The following SYNPO2 variants were observed in gnomAD, a reference collection of about 807,000 sequenced individuals.
SYNPO2 encodes synaptopodin 2.
A neutral mutation model predicts 85.0 loss-of-function variants in SYNPO2; 56 were observed. The observed-to-expected ratio is 0.66, with a 90% confidence interval of 0.53 to 0.82. SYNPO2 has a LOEUF of 0.82. SYNPO2 is among the 40% of genes least tolerant of loss of function. The pLI is 0.00. For missense variants in SYNPO2, 1,575 were observed against 1,534.2 expected, an observed-to-expected ratio of 1.03 and a Z score of -0.44; for synonymous variants, 602 against 591.1, an observed-to-expected ratio of 1.02 and a Z score of -0.27.
At chr4:118,977,084 G>A (rs1021200545) in intron 1 of SYNPO2, among the ~76,000 whole-genome samples, 7 of 152,246 alleles carry the variant, frequency 4.6e-5, no homozygotes, top group African/African-American at 1.4e-4. Flanking sequence ...ATGGGACTGG[G>A]CGCCGTGGAG....
At chr4:118,927,749 TGATA>T (rs1207276516) in intron 1 of SYNPO2, among the ~76,000 whole-genome samples, 3 of 117,346 alleles carry the variant, frequency 2.6e-5, no homozygotes, top group African/African-American at 6.6e-5. Flanking sequence ...GATAGATAGA[TGATA>T]GATAGATATA....
intron 1 of SYNPO2, among the ~76,000 whole-genome samples, chr4:118,973,662 C>A (rs1735620349): frequency 1.3e-5 from 2 of 152,078 alleles, no homozygotes; most frequent in Non-Finnish European, 2.9e-5. Context: ...TGGGCAAATG[C>A]CAGTTCATAG....
At chr4:119,038,987 AG>A (rs926454234) in intron 4 of SYNPO2, among the ~76,000 whole-genome samples, 4 of 152,090 alleles carry the variant, frequency 2.6e-5, no homozygotes, top group African/African-American at 9.7e-5. Context: ...GGTTTGGAAC[AG>A]TCCCATCACC....
intron 1 of SYNPO2, among the ~76,000 whole-genome samples, chr4:118,900,062 T>G (rs1732671302): frequency 6.6e-6 from 1 of 152,178 alleles, no homozygotes; most frequent in Non-Finnish European, 1.5e-5. Flanking sequence ...GCACCCGGCC[T>G]GCTGTACTTT....
At chr4:118,882,014 T>C (rs1369601035) in intron 1 of SYNPO2, among the ~76,000 whole-genome samples, 3 of 152,366 alleles carry the variant, frequency 2.0e-5, no homozygotes, top group Non-Finnish European at 2.9e-5. Flanking sequence ...CTGGCACTTA[T>C]GATAAAGTTC....
chr4:118,950,274 G>A (rs1189096059), intron 1 of SYNPO2, among the ~76,000 whole-genome samples: 1 of 152,160 alleles, frequency 6.6e-6, no homozygotes, highest in African/African-American at 2.4e-5. Flanking sequence ...ATGTATCTGG[G>A]ATTTTATTTT....
chr4:118,916,175 G>T lies in SYNPO2; in HGVS notation c.105+27034G>T, dbSNP rs72909250. Among the ~76,000 whole-genome samples the T allele has an allele frequency of 3.9e-3, 552 of 141,998 alleles. 3 individuals carry two copies. The highest frequency in any genetic ancestry group is 0.012 in the African/African-American group (460 of 39,194). The allele number at this position is 141,998 out of a possible 152,430, so 93.2% of individuals were successfully genotyped here. On this transcript the variant is annotated intron_variant, in intron 1 of 4. Transcript: ENST00000307142. ...ATATGTCAAACTTAGGGTTTTTTGG[G>T]TTTTTTTTTTTTTCTGAGACAGAAT...
chr4:118,895,794 T>A (rs551310338), intron 1 of SYNPO2, among the ~76,000 whole-genome samples: 2 of 152,328 alleles, frequency 1.3e-5, no homozygotes, highest in East Asian at 3.9e-4. Flanking sequence ...AACTGGATAT[T>A]TTGCATATTT....
intron 1 of SYNPO2, among the ~76,000 whole-genome samples, chr4:118,995,571 G>A (rs893070092): frequency 2.6e-5 from 4 of 152,192 alleles, no homozygotes; most frequent in African/African-American, 9.7e-5. Flanking sequence ...AACTCAGGTT[G>A]TCTGATTCCA....
chr4:118,856,755 GC>G (rs1357148933), intron 1 of SYNPO2, among the ~76,000 whole-genome samples: 3 of 152,026 alleles, frequency 2.0e-5, no homozygotes, highest in Non-Finnish European at 4.4e-5. Context: ...CAAGCGATCT[GC>G]TTGCCTTGGT....
rs765983229 is a variant in SYNPO2 at position 119,030,307 on chromosome 4, A to T, written c.1532A>T (p.Glu511Val). 7 of 1,614,096 alleles carry T rather than the reference A, an allele frequency of 4.3e-6. No homozygotes were observed. Among genetic ancestry groups the T allele is most frequent in the Non-Finnish European group, 5.9e-6 (7 of 1,180,012 alleles). ...RMDQITAQKE[E>V]DKVGGTPSRE... ...GATCAGATCACAGCCCAAAAAGAAG[A>T]GGACAAGGTAGGTGGAACGCCAAGC... Residue 511 changes from glutamate (E) to valine (V), a missense_variant, in exon 4 of 5, where the codon GAG becomes GTG. Glu to Val is a moderately radical substitution (Grantham distance 121, BLOSUM62 -2). This residue lies in a region of SYNPO2 where 1,508 missense variants were observed against 1,446.8 expected (regional missense o/e 1.04). Coordinates refer to ENST00000307142, the MANE Select transcript of SYNPO2 (RefSeq NM_133477.3).
At chr4:118,903,107 G>C (rs1362562705) in intron 1 of SYNPO2, among the ~76,000 whole-genome samples, 1 of 151,634 alleles carries the variant, frequency 6.6e-6, no homozygotes, top group Non-Finnish European at 1.5e-5. Context: ...TGCCTTTGTA[G>C]ATAAAAAAAA....
At chr4:119,028,843 T>C (rs943204868) in intron 3 of SYNPO2, among the ~76,000 whole-genome samples, 3 of 151,986 alleles carry the variant, frequency 2.0e-5, no homozygotes, top group African/African-American at 7.2e-5. Flanking sequence ...GTCATTATCA[T>C]TGAAAATATG....
intron 4 of SYNPO2, chr4:119,033,334 T>G (rs1197977531): frequency 2.5e-5 from 25 of 985,448 alleles, no homozygotes; most frequent in Non-Finnish European, 2.9e-5. Flanking sequence ...ACTATTTGTA[T>G]TCGATGGACC....
chr4:119,031,462 A>T lies in SYNPO2; in HGVS notation c.2687A>T (p.His896Leu). Residue 896 changes from histidine (H) to leucine (L), a missense_variant, in exon 4 of 5, where the codon CAC becomes CTC. Around this residue, in one of 3 missense-constraint regions of SYNPO2, gnomAD observed 1,508 missense variants for 1,446.8 expected, o/e 1.04. Transcript: ENST00000307142. ...YVVDSDTVQAHAARAQSPTPS... is the reference protein window; with the variant it reads ...YVVDSDTVQALAARAQSPTPS... ...GTCGATTCAGACACGGTGCAGGCCC[A>T]CGCTGCTCGAGCTCAGTCTCCCACT... 6.2e-7 allele frequency: 1 copy of T among 1,614,094 alleles called. No homozygotes were observed. Among genetic ancestry groups the T allele is most frequent in the Non-Finnish European group, 8.5e-7 (1 of 1,180,018 alleles).
In SYNPO2 at chr4:119,039,951, G is replaced by A. The variant is rs191107073; in HGVS notation, c.3252+7924G>A. ...TTAAGAGTGTGGGCTCTAGGGCCGC[G>A]CTGCCTGCCTCTGAGTCCCAGGCCT... On this transcript the variant is annotated intron_variant, in intron 4 of 4. Coordinates refer to ENST00000307142, the MANE Select transcript of SYNPO2 (RefSeq NM_133477.3). 1.6e-3 allele frequency among the ~76,000 whole-genome samples: 247 copies of A among 152,238 alleles called. 1 individual carries two copies. Among genetic ancestry groups the A allele is most frequent in the African/African-American group, 4.4e-3 (184 of 41,530 alleles).
intron 1 of SYNPO2, among the ~76,000 whole-genome samples, chr4:118,933,829 G>GTTTTTTTTTTTTTTTTTT (rs71595334): frequency 1.3e-4 from 13 of 102,312 alleles, no homozygotes; most frequent in Admixed American, 2.4e-4. Flanking sequence ...TGTTGTTGTT[G>GTTTTTTTTTTTTTTTTTT]TTTTTTTTTT....
chr4:119,030,721 G>T lies in SYNPO2; in HGVS notation c.1946G>T (p.Trp649Leu). 1 of 1,614,114 alleles carries T rather than the reference G, an allele frequency of 6.2e-7. No homozygotes were observed. The change falls in exon 4 of 5, where the codon TGG (tryptophan) becomes TTG (leucine). Residue 649 changes from tryptophan to leucine, a missense_variant. Physicochemically the swap from Trp to Leu is moderately conservative, Grantham distance 61 (BLOSUM62 -2). Transcript: ENST00000307142. ...PIAGPAQPPP[W>L]PQPAPWSQPA... ...GCTGGCCCAGCACAGCCCCCTCCAT[G>T]GCCCCAGCCTGCCCCGTGGTCCCAG...
rs572588437 is a variant in SYNPO2, at chr4:119,038,853, G to A, written c.3252+6826G>A. Among the ~76,000 whole-genome samples, 146 of 151,530 alleles carry A rather than the reference G, an allele frequency of 9.6e-4. 1 individual carries two copies. The highest frequency in any genetic ancestry group is 3.5e-3 in the African/African-American group (143 of 41,348). On this transcript the variant is annotated intron_variant, in intron 4 of 4. Transcript: ENST00000307142. The stretch of plus-strand genomic sequence containing the variant: ...TTCTCAACAATTATTTCTGTCAAAG[G>A]CTTCCCAGCAAGGACACTTTTAAAC...
Sources: gnomAD v4.1 joint callset for allele counts (sites outside exome capture counted in the v4.1 genomes callset) on GRCh38, gnomAD v4.1.1 for gene constraint, gnomAD v4.1.1 regional missense constraint, MANE v1.5 for transcripts, NCBI Gene and HGNC (gene_info 2026-07-23, HGNC 2026-07-21) for gene names.